SLC22A25: variants seen among roughly 807,000 people sequenced by gnomAD.
The protein encoded by SLC22A25 is solute carrier family 22 member 25.
SLC22A25 carries 44 observed loss-of-function variants against 45.9 expected under a neutral mutation model. The ratio of observed to expected loss-of-function variants is 0.96; its 90% CI spans 0.75 to 1.23. The LOEUF is 1.23. Among genes scored for constraint, SLC22A25 ranks in the 50% most tolerant of loss-of-function variants. The pLI, the probability that SLC22A25 is intolerant of heterozygous loss-of-function variation, is 0.00. For missense variants in SLC22A25, 800 were observed against 666.4 expected (o/e 1.20, Z -2.21); for synonymous variants, 283 against 238.6 (o/e 1.19, Z -1.72).
chr11:63,207,048 TA>T (rs1317376401), intron 7 of SLC22A25, among the ~76,000 whole-genome samples: 1 of 152,164 alleles, frequency 6.6e-6, no homozygotes, highest in African/African-American at 2.4e-5. Flanking sequence ...CCCTATTTAA[TA>T]AATGGTGCTG....
chr11:63,236,108 G>A (rs1189055319), intron 3 of SLC22A25, among the ~76,000 whole-genome samples: 1 of 152,208 alleles, frequency 6.6e-6, no homozygotes, highest in African/African-American at 2.4e-5. Context: ...ACTTGAGGAG[G>A]CAGTCTGCCT....
chr11:63,171,649 A>C lies in SLC22A25; in HGVS notation c.1071-5391T>G, dbSNP rs193118994. On this transcript the variant is annotated intron_variant, in intron 9 of 11. Coordinates refer to ENST00000306494, the MANE Select transcript of SLC22A25 (RefSeq NM_199352.6). Reference sequence around the variant, plus strand: ...GAGAACTACAAACCACTGCACAAGGAAATAAGAGAGGACACAAACAAATGG... The same window carrying C: ...GAGAACTACAAACCACTGCACAAGGCAATAAGAGAGGACACAAACAAATGG... 6.6e-5 allele frequency among the ~76,000 whole-genome samples: 10 copies of C among 152,372 alleles called. No individual in the cohort carries two copies. In the East Asian group the frequency reaches 1.5e-3, roughly 23 times the overall value.
rs952229311 is a variant in SLC22A25, at chr11:63,229,794, C to A, written c.-142G>T. ...ACTCTCTTCTTAATGGGCCCTCTCT[C>A]CCATCTGCAGCAGGGTCACGGAAGC... On this transcript the variant is annotated 5_prime_UTR_variant, in exon 4 of 12. Coordinates refer to ENST00000306494, the MANE Select transcript of SLC22A25 (RefSeq NM_199352.6). 2 of 845,296 alleles carry A rather than the reference C, an allele frequency of 2.4e-6. No homozygotes were observed. Among genetic ancestry groups the A allele is most frequent in the African/African-American group, 3.4e-5 (2 of 59,112 alleles). 52.4% of individuals were successfully genotyped at this position (845,296 alleles called of 1,614,324 possible). A position where few individuals can be genotyped will look rare whatever the true frequency, so the allele number is the denominator to read the frequency against.
At chr11:63,201,229 A>G (rs2089233082) in intron 7 of SLC22A25, among the ~76,000 whole-genome samples, 1 of 152,214 alleles carries the variant, frequency 6.6e-6, no homozygotes. Flanking sequence ...AGCTGGAGGC[A>G]TCCATCATGC....
intron 5 of SLC22A25, among the ~76,000 whole-genome samples, chr11:63,220,519 G>A (rs767092498): frequency 2.6e-5 from 4 of 152,126 alleles, no homozygotes; most frequent in Non-Finnish European, 4.4e-5. Flanking sequence ...TACTTATGGA[G>A]TATATGAGAG....
At chr11:63,216,277 G>A (rs1255985522) in intron 7 of SLC22A25, among the ~76,000 whole-genome samples, 1 of 152,164 alleles carries the variant, frequency 6.6e-6, no homozygotes, top group Non-Finnish European at 1.5e-5. Context: ...GTTGGTGGGA[G>A]TGTAAATTCA....
chr11:63,208,201 CT>C (rs1324305217), intron 7 of SLC22A25: 1 of 152,372 alleles, frequency 6.6e-6, no homozygotes, highest in Non-Finnish European at 1.5e-5. Context: ...GAGACTGGCT[CT>C]TCCCCCATCC....
chr11:63,171,230 C>T (rs1448326204), intron 9 of SLC22A25, among the ~76,000 whole-genome samples: 2 of 152,124 alleles, frequency 1.3e-5, no homozygotes, highest in East Asian at 3.8e-4. Flanking sequence ...AAGCTGGAAG[C>T]GTTCCCTTTG....
At chr11:63,165,128 T>C (rs1444557858) in intron 10 of SLC22A25, among the ~76,000 whole-genome samples, 1 of 152,180 alleles carries the variant, frequency 6.6e-6, no homozygotes, top group Non-Finnish European at 1.5e-5. Flanking sequence ...AAAGGACAGA[T>C]TGGACAGTAT....
intron 7 of SLC22A25, among the ~76,000 whole-genome samples, chr11:63,196,594 TG>T (rs2089041477): frequency 6.6e-6 from 1 of 152,314 alleles, no homozygotes; most frequent in South Asian, 2.1e-4. Context: ...TAGGTATTGA[TG>T]GGCTGTATCT....
At position 63,163,935 on chromosome 11, in the gene SLC22A25, A is replaced by C; in HGVS notation, c.1533T>G (p.Val511=). ...TCCTGGTTTCAGGAAGGAGGAGGAC[A>C]ACAAGGCCAGAGAGGATGGCAAAGA... ...YGVFAILSGL[V]VLLLPETRNQ... The change falls in exon 12 of 12, where the codon GTT becomes GTG. Residue 511 remains valine (V), a synonymous_variant. Coordinates refer to ENST00000306494, the MANE Select transcript of SLC22A25 (RefSeq NM_199352.6). 6.2e-7 allele frequency: 1 copy of C among 1,613,964 alleles called. No homozygotes were observed.
chr11:63,180,829 T>C (rs997191152), intron 8 of SLC22A25, 54 bp from the exon 9 acceptor site: 58 of 1,310,088 alleles, frequency 4.4e-5, no homozygotes, highest in Non-Finnish European at 5.9e-5. Context: ...ATGGTAGGCA[T>C]TGTAAGAGGA....
chr11:63,191,438 C>G (rs10750997), intron 7 of SLC22A25, among the ~76,000 whole-genome samples: 150,324 of 152,266 alleles, frequency 0.99, 74,241 homozygotes, highest in Middle Eastern at 1. Flanking sequence ...TCTGGGTGCC[C>G]TCTGTCACCC....
chr11:63,219,800 G>T, intron 5 of SLC22A25: 1 of 670,226 alleles, frequency 1.5e-6, no homozygotes, highest in Non-Finnish European at 2.3e-6. Flanking sequence ...ATTAAAATTG[G>T]TTTATCTGCA....
chr11:63,164,603 G>A lies in SLC22A25; in HGVS notation c.1317C>T (p.Thr439=). Reference sequence around the variant, plus strand: ...CAAGAGAAGCAGCTCCCACACCCAGGGTTGCCAAAACCACACGCAGGGTCT... The same window carrying A: ...CAAGAGAAGCAGCTCCCACACCCAGAGTTGCCAAAACCACACGCAGGGTCT... ...EMQTLRVVLA[T]LGVGAASLGI... The change falls in exon 11 of 12, where the codon ACC becomes ACT. Residue 439 remains threonine, a synonymous_variant. Transcript: ENST00000306494. The A allele has an allele frequency of 6.2e-7, 1 of 1,613,752 alleles. No homozygotes were observed. The highest frequency in any genetic ancestry group is 8.5e-7 in the Non-Finnish European group (1 of 1,179,794).
At chr11:63,224,715 A>T (rs1204595537) in intron 5 of SLC22A25, among the ~76,000 whole-genome samples, 1 of 152,226 alleles carries the variant, frequency 6.6e-6, no homozygotes, top group Non-Finnish European at 1.5e-5. Flanking sequence ...AGGCAAAAAG[A>T]AAACTAATAC....
intron 9 of SLC22A25, among the ~76,000 whole-genome samples, chr11:63,177,382 GTGTC>G (rs1280575267): frequency 8.5e-6 from 1 of 117,290 alleles, no homozygotes; most frequent in African/African-American, 3.1e-5. Flanking sequence ...GTGTGTGTGT[GTGTC>G]GAGAACATTT....
At chr11:63,191,480 T>A (rs1210642831) in intron 7 of SLC22A25, among the ~76,000 whole-genome samples, 1 of 152,214 alleles carries the variant, frequency 6.6e-6, no homozygotes. Context: ...AATTCCCTGA[T>A]GCCTTGTGCT....
chr11:63,164,108 T>TA, intron 11 of SLC22A25, 35 bp from the exon 12 acceptor site: 1 of 1,534,590 alleles, frequency 6.5e-7, no homozygotes, highest in Non-Finnish European at 8.7e-7. Context: ...GAAAAGTTGT[T>TA]AAAAATCATA....
Sources: gnomAD v4.1 joint callset for allele counts (sites outside exome capture counted in the v4.1 genomes callset) on GRCh38, gnomAD v4.1.1 for gene constraint, MANE v1.5 for transcripts, NCBI Gene and HGNC (gene_info 2026-07-23, HGNC 2026-07-21) for gene names.